ADD1: variants seen among roughly 807,000 people sequenced by gnomAD.
ADD1 encodes alpha-adducin.
In ADD1, 24 loss-of-function variants were observed where a neutral mutation model predicts 80.5. The observed-to-expected ratio is 0.30, with a 90% CI of 0.22 to 0.42. The LOEUF is 0.42. Among genes scored for constraint, ADD1 ranks in the 10% least tolerant of loss-of-function variants. ADD1 has a pLI of 1.00. For missense variants in ADD1, 948 were observed against 1,019.0 expected, an observed-to-expected ratio of 0.93 and a Z score of 0.95; for synonymous variants, 373 against 393.8, an observed-to-expected ratio of 0.95 and a Z score of 0.63.
chr4:2,885,906 G>A (rs777416893), intron 4 of ADD1, among the ~76,000 whole-genome samples: 6 of 152,046 alleles, frequency 3.9e-5, no homozygotes, highest in African/African-American at 9.7e-5. Context: ...CACCCTGCCC[G>A]GCCCCTTCCT....
chr4:2,883,178 A>C (rs1560185290), intron 3 of ADD1, among the ~76,000 whole-genome samples: 1 of 152,156 alleles, frequency 6.6e-6, no homozygotes, highest in Admixed American at 6.5e-5. Context: ...GTCTGTATTA[A>C]TTAGCAAGAA....
chr4:2,909,406 C>T lies in ADD1; in HGVS notation c.1766C>T (p.Pro589Leu), dbSNP rs965076198. Residue 589 changes from proline to leucine, a missense_variant, in exon 13 of 16, where the codon CCC becomes CTC. By Grantham distance (98) the Pro-to-Leu change is moderately conservative. Coordinates refer to ENST00000683351, the MANE Select transcript of ADD1 (RefSeq NM_001354761.2). ...GAGCTTACAGAGCAGACCTTTAGTCCCGCTAAATCTCTCTCTTTTAGAAAG... is the reference window on the plus strand; with the variant it reads ...GAGCTTACAGAGCAGACCTTTAGTCTCGCTAAATCTCTCTCTTTTAGAAAG... ...GLELTEQTFS[P>L]AKSLSFRKGE... 6.5e-7 allele frequency: 1 copy of T among 1,550,380 alleles called. No individual in the cohort carries two copies. The highest frequency in any genetic ancestry group is 1.4e-5 in the African/African-American group (1 of 73,106).
Position 2,928,186 on chromosome 4 carries a change from C to A in ADD1, c.2063C>A (p.Pro688Gln), listed in dbSNP as rs762839049. The A allele has an allele frequency of 6.2e-7, 1 of 1,614,056 alleles. No homozygotes were observed. Among genetic ancestry groups the A allele is most frequent in the Non-Finnish European group, 8.5e-7 (1 of 1,179,994 alleles). Residue 688 changes from proline (P) to glutamine (Q), a missense_variant, in exon 16 of 16, where the codon CCG becomes CAG. Coordinates refer to ENST00000683351, the MANE Select transcript of ADD1 (RefSeq NM_001354761.2). ...CACCCACTAGACCTTGTGCCGGAGC[C>A]GACTACTGGAGATGACAGTGATGCT... ...IKLEEDLVPEPTTGDDSDAAT... is the reference protein window; with the variant it reads ...IKLEEDLVPEQTTGDDSDAAT...
chr4:2,867,851 G>C (rs957240781), intron 1 of ADD1: 1 of 152,198 alleles, frequency 6.6e-6, no homozygotes, highest in Non-Finnish European at 1.5e-5. Flanking sequence ...CAGGCAGCCC[G>C]AGTTCAGACT....
Position 2,881,807 on chromosome 4 carries a change from C to G in ADD1, c.196-91C>G, listed in dbSNP as rs1732394214. 3.4e-6 allele frequency: 4 copies of G among 1,182,720 alleles called. No individual in the cohort carries two copies. The Admixed American group carries it at 1.3e-4, about 40-fold the overall frequency. 73.3% of individuals were successfully genotyped at this position (1,182,720 alleles called of 1,614,324 possible). A position where few individuals can be genotyped will look rare whatever the true frequency, so the allele number is the denominator to read the frequency against. On this transcript the variant is annotated intron_variant, in intron 2 of 15. Coordinates refer to ENST00000683351, the MANE Select transcript of ADD1 (RefSeq NM_001354761.2). Reference sequence around the variant, plus strand: ...TTGCCTTTCCAGCACTGGATGAAAACAAAAATTGGTCTATGTGATAGCTAC... The same window carrying G: ...TTGCCTTTCCAGCACTGGATGAAAAGAAAAATTGGTCTATGTGATAGCTAC...
At chr4:2,888,882 A>G (rs564901977) in intron 4 of ADD1, among the ~76,000 whole-genome samples, 4 of 152,342 alleles carry the variant, frequency 2.6e-5, no homozygotes, top group African/African-American at 7.2e-5. Context: ...AAATGAGAAA[A>G]TATGAAATAT....
In ADD1 at chr4:2,843,919, G is replaced by C. The variant is rs959194155; in HGVS notation, c.-126G>C. 6.6e-6 allele frequency: 1 copy of C among 152,660 alleles called. No homozygotes were observed. The allele number at this position is 152,660 out of a possible 1,614,324, so 9.5% of individuals were successfully genotyped here. On this transcript the variant is annotated 5_prime_UTR_variant, in exon 1 of 16. Transcript: ENST00000683351. ...GAGGGGCGGAGAGGCCTGGCGGGCC[G>C]CTGCTGCGGGCCAGGGGACGGGGGC... is the stretch of plus-strand genomic sequence containing the variant.
chr4:2,896,113 G>A (rs190924723), intron 6 of ADD1, among the ~76,000 whole-genome samples: 12 of 151,750 alleles, frequency 7.9e-5, no homozygotes, highest in Non-Finnish European at 1.5e-4. Flanking sequence ...GGTCTTGATC[G>A]CCTGACCTCG....
chr4:2,868,267 G>A (rs1729856399), intron 1 of ADD1: 1 of 152,272 alleles, frequency 6.6e-6, no homozygotes, highest in Non-Finnish European at 1.5e-5. Flanking sequence ...GTAGATTACA[G>A]GGATTTCCTT....
chr4:2,874,122 T>G (rs1327024772), intron 1 of ADD1, among the ~76,000 whole-genome samples: 2 of 151,646 alleles, frequency 1.3e-5, no homozygotes, highest in Non-Finnish European at 2.9e-5. Flanking sequence ...GCTGAGGCAG[T>G]GGGATGGCTT....
intron 1 of ADD1, among the ~76,000 whole-genome samples, chr4:2,869,846 G>A (rs1041398644): frequency 6.6e-6 from 1 of 152,124 alleles, no homozygotes; most frequent in African/African-American, 2.4e-5. Context: ...AATTCCAAAG[G>A]CTCTCTGGAG....
At chr4:2,915,280 C>T (rs1577704315) in intron 14 of ADD1, among the ~76,000 whole-genome samples, 1 of 152,166 alleles carries the variant, frequency 6.6e-6, no homozygotes, top group African/African-American at 2.4e-5. Flanking sequence ...CCAAGGAGGG[C>T]GGATGACCTG....
chr4:2,926,496 CG>C lies in ADD1; in HGVS notation c.2047+387del, dbSNP rs982757853. Reference sequence around the variant, plus strand: ...ACCGTGTGTCTGTGGTGTGTGATCCCGGGTGTCTGTCCCTCGGTCTCGTACA... The same window carrying C: ...ACCGTGTGTCTGTGGTGTGTGATCCCGGTGTCTGTCCCTCGGTCTCGTACA... On this transcript the variant is annotated intron_variant, in intron 15 of 15. Coordinates refer to ENST00000683351, the MANE Select transcript of ADD1 (RefSeq NM_001354761.2). The surrounding 1 kb of genome is among the most constrained non-coding windows in gnomAD (Gnocchi z 5.0). The C allele has an allele frequency of 4.4e-4, 373 of 840,756 alleles. No individual in the cohort carries two copies. The highest frequency in any genetic ancestry group is 6.6e-4 in the Non-Finnish European group (339 of 515,126). 52.1% of individuals were successfully genotyped at this position (840,756 alleles called of 1,614,324 possible). A position where few individuals can be genotyped will look rare whatever the true frequency, so the allele number is the denominator to read the frequency against.
Position 2,881,809 on chromosome 4 carries a change from A to G in ADD1, c.196-89A>G, listed in dbSNP as rs774948008. On this transcript the variant is annotated intron_variant, in intron 2 of 15. Coordinates refer to ENST00000683351, the MANE Select transcript of ADD1 (RefSeq NM_001354761.2). Reference sequence around the variant, plus strand: ...GCCTTTCCAGCACTGGATGAAAACAAAAATTGGTCTATGTGATAGCTACTT... The same window carrying G: ...GCCTTTCCAGCACTGGATGAAAACAGAAATTGGTCTATGTGATAGCTACTT... 4.1e-6 allele frequency: 5 copies of G among 1,206,076 alleles called. No individual in the cohort carries two copies. The East Asian group carries it at 8.3e-5, about 20-fold the overall frequency. 74.7% of individuals were successfully genotyped at this position (1,206,076 alleles called of 1,614,324 possible). A position where few individuals can be genotyped will look rare whatever the true frequency, so the allele number is the denominator to read the frequency against.
chr4:2,911,972 G>A (rs1363508362), intron 13 of ADD1, among the ~76,000 whole-genome samples: 1 of 152,228 alleles, frequency 6.6e-6, no homozygotes, highest in Non-Finnish European at 1.5e-5. Flanking sequence ...GACTCTCTCA[G>A]TGACCTGTGT....
At position 2,890,208 on chromosome 4, in the gene ADD1, A is replaced by AT. The variant is rs536650363; in HGVS notation, c.511-3805_511-3804insT. Among the ~76,000 whole-genome samples, 339 of 152,102 alleles carry AT rather than the reference A, an allele frequency of 2.2e-3. 4 individuals are homozygous for AT. The highest frequency in any genetic ancestry group is 7.8e-3 in the African/African-American group (323 of 41,518). On this transcript the variant is annotated intron_variant, in intron 4 of 15. Transcript: ENST00000683351. ...GACTCCGTCTCAAAAAAAAAAAAAAAGAAATAATATCTGGAATAGATAACT... is the reference window on the plus strand; with the variant it reads ...GACTCCGTCTCAAAAAAAAAAAAAAATGAAATAATATCTGGAATAGATAACT...
At chr4:2,920,439 TCTCA>T (rs1044191642) in intron 14 of ADD1, among the ~76,000 whole-genome samples, 20 of 152,226 alleles carry the variant, frequency 1.3e-4, no homozygotes, top group African/African-American at 4.8e-4. Flanking sequence ...TGTTAAAATT[TCTCA>T]CTATTATTGT....
chr4:2,848,980 C>T (rs573940879), intron 1 of ADD1, among the ~76,000 whole-genome samples: 1 of 152,282 alleles, frequency 6.6e-6, no homozygotes, highest in East Asian at 1.9e-4. Flanking sequence ...CTTTGGGCAC[C>T]TATGAAGTAT....
At chr4:2,883,821 A>G (rs2108942449) in intron 3 of ADD1, among the ~76,000 whole-genome samples, 1 of 151,984 alleles carries the variant, frequency 6.6e-6, no homozygotes. Flanking sequence ...ATAGGCGCCC[A>G]CCACCACGTC....
Sources: allele counts gnomAD v4.1 joint callset (sites outside exome capture counted in the v4.1 genomes callset), GRCh38; gene constraint gnomAD v4.1.1; non-coding constraint Gnocchi (gnomAD v3.1); transcripts MANE v1.5; gene names NCBI Gene and HGNC (gene_info 2026-07-23, HGNC 2026-07-21).